DYNC1H1: variants seen among roughly 807,000 people sequenced by gnomAD.
DYNC1H1 encodes dynein cytoplasmic 1 heavy chain 1.
A neutral mutation model predicts 527.1 loss-of-function variants in DYNC1H1; 51 were observed. That is an observed-to-expected ratio of 0.10 (90% CI 0.08 to 0.12). The LOEUF is 0.12. Ranked by LOEUF, DYNC1H1 falls within the 10% of genes least tolerant of loss-of-function variation. The pLI is 1.00. For missense variants in DYNC1H1, 2,771 were observed against 5,971.8 expected (o/e 0.46, Z 17.66); for synonymous variants, 2,189 against 2,278.8 (o/e 0.96, Z 1.12).
intron 2 of DYNC1H1, among the ~76,000 whole-genome samples, chr14:101,978,077 CGAA>C (rs902027462): frequency 5.9e-5 from 9 of 152,144 alleles, no homozygotes; most frequent in Admixed American, 5.9e-4. Flanking sequence ...CTTCTTGAGA[CGAA>C]GTCTCGCTCT....
Position 102,018,089 on chromosome 14 carries a change from G to C in DYNC1H1, c.8178-362G>C. The C allele has an allele frequency of 3.8e-6, 1 of 260,236 alleles. No homozygotes were observed. The highest frequency in any genetic ancestry group is 4.5e-5 in the South Asian group (1 of 22,034). The allele number at this position is 260,236 out of a possible 1,614,324, so 16.1% of individuals were successfully genotyped here. A position where few individuals can be genotyped will look rare whatever the true frequency, so the allele number is the denominator to read the frequency against. On this transcript the variant is annotated intron_variant, in intron 40 of 77. Coordinates refer to ENST00000360184, the MANE Select transcript of DYNC1H1 (RefSeq NM_001376.5). The surrounding 1 kb of genome is among the most constrained non-coding windows in gnomAD (Gnocchi z 5.2). ...CCACTGCACTCCAGCCTGGGCAACA[G>C]AGCAAGACTCCATCTCAAAATAAAT...
Position 102,004,593 on chromosome 14 carries a change from C to T in DYNC1H1, c.4959C>T (p.His1653=), listed in dbSNP as rs773425996. 3.0e-5 allele frequency: 49 copies of T among 1,614,072 alleles called. No individual in the cohort carries two copies. In the South Asian group the frequency reaches 4.9e-4, roughly 16 times the overall value. Residue 1653 remains histidine, a synonymous_variant, in exon 24 of 78, where the codon CAC becomes CAT. Coordinates refer to ENST00000360184, the MANE Select transcript of DYNC1H1 (RefSeq NM_001376.5). The part of the protein sequence containing the change: ...NSKNVAKLQK[H]FKKMFAGVSS... ...AGAATGTCGCTAAATTACAGAAACACTTCAAGAAGATGTTTGCTGGAGTTT... is the reference window on the plus strand; with the variant it reads ...AGAATGTCGCTAAATTACAGAAACATTTCAAGAAGATGTTTGCTGGAGTTT...
rs1223465531 is a variant in DYNC1H1 at position 101,983,344 on chromosome 14, TC to T, written c.1234-37del. On this transcript the variant is annotated intron_variant, in intron 6 of 77. Coordinates refer to ENST00000360184, the MANE Select transcript of DYNC1H1 (RefSeq NM_001376.5). The surrounding 1 kb of genome is among the most constrained non-coding windows in gnomAD (Gnocchi z 5.3). ...CTCAAGACATTGAGATGAAAATATGTCTTAATAATAAGCCTCACTTTTGAAA... is the reference window on the plus strand; with the variant it reads ...CTCAAGACATTGAGATGAAAATATGTTTAATAATAAGCCTCACTTTTGAAA... 1 of 1,614,112 alleles carries T rather than the reference TC, an allele frequency of 6.2e-7. No individual in the cohort carries two copies.
intron 57 of DYNC1H1, chr14:102,037,431 A>AG (rs1000870531): frequency 2.6e-5 from 4 of 152,066 alleles, no homozygotes; most frequent in Non-Finnish European, 5.9e-5. Flanking sequence ...CTCAAAAAAA[A>AG]AAAAAAAAAA....
At position 102,010,464 on chromosome 14, in the gene DYNC1H1, G is replaced by A. The variant is rs774226163; in HGVS notation, c.6405+5G>A. 3.1e-6 allele frequency: 5 copies of A among 1,613,650 alleles called. No homozygotes were observed. Among genetic ancestry groups the A allele is most frequent in the East Asian group, 2.2e-5 (1 of 44,896 alleles). On this transcript the variant is annotated splice_donor_5th_base_variant and intron_variant, in intron 31 of 77. Coordinates refer to ENST00000360184, the MANE Select transcript of DYNC1H1 (RefSeq NM_001376.5). This position sits in a 1 kb window ranked among gnomAD's most constrained non-coding sequence, Gnocchi z 6.0. ...GAAAATCTCCCTGAACAAGAGGTTC[G>A]TTACAAACGTTTTGATCACTCAAAC... is the stretch of plus-strand genomic sequence containing the variant.
intron 5 of DYNC1H1, among the ~76,000 whole-genome samples, chr14:101,982,527 G>A (rs937324495): frequency 6.6e-6 from 1 of 152,030 alleles, no homozygotes; most frequent in Non-Finnish European, 1.5e-5. Context: ...GGGAGGTGGA[G>A]GTTGCAGTGA....
chr14:102,050,418 C>T lies in DYNC1H1; in HGVS notation c.13813-17C>T, dbSNP rs1340857815. ...ACTTTTCCCTTAAGCCACCAGTAAA[C>T]CCCTCTGCTTCTGCAGGTAACCTTA... On this transcript the variant is annotated splice_polypyrimidine_tract_variant and intron_variant, in intron 77 of 77. Transcript: ENST00000360184. 2 of 1,614,090 alleles carry T rather than the reference C, an allele frequency of 1.2e-6. No individual in the cohort carries two copies. Among genetic ancestry groups the T allele is most frequent in the Admixed American group, 1.7e-5 (1 of 60,004 alleles).
At chr14:102,023,986 C>T (rs2048419403) in intron 43 of DYNC1H1, among the ~76,000 whole-genome samples, 1 of 152,138 alleles carries the variant, frequency 6.6e-6, no homozygotes. Flanking sequence ...TGATGTGCTA[C>T]GGGTTTGCAG....
At chr14:102,034,497 G>A (rs2152592377) in intron 56 of DYNC1H1, 45 bp downstream of exon 56, 2 of 1,611,642 alleles carry the variant, frequency 1.2e-6, no homozygotes, top group East Asian at 2.2e-5. Context: ...GAATGTGGGT[G>A]GTGATCTTGA....
At chr14:102,019,753 C>CAT in intron 41 of DYNC1H1, 140 bp from the exon 42 acceptor site, 1 of 1,104,756 alleles carries the variant, frequency 9.1e-7, no homozygotes, top group Admixed American at 2.0e-5. Context: ...AGGCACCCAC[C>CAT]ACCATGTCCA....
chr14:102,025,736 C>T (rs10141196), intron 43 of DYNC1H1, among the ~76,000 whole-genome samples: 6,764 of 152,212 alleles, frequency 0.044, 416 homozygotes, highest in African/African-American at 0.13. Flanking sequence ...TGTCTGTCAT[C>T]ATAGTTTCCC....
intron 69 of DYNC1H1, 40 bp from the exon 70 acceptor site, chr14:102,043,835 G>A (rs1410615229): frequency 9.3e-6 from 15 of 1,613,870 alleles, no homozygotes; most frequent in South Asian, 8.8e-5. Context: ...GCGAAGTGCT[G>A]TTTTCTAATG....
Position 101,979,867 on chromosome 14 carries a change from C to T in DYNC1H1, c.667C>T (p.Arg223Cys), listed in dbSNP as rs757819428. The T allele has an allele frequency of 5.0e-6, 8 of 1,613,978 alleles. No individual in the cohort carries two copies. The South Asian group carries it at 6.6e-5, about 13-fold the overall frequency. The change falls in exon 4 of 78, where the codon CGT (arginine) becomes TGT (cysteine). Residue 223 changes from arginine (R) to cysteine (C), a missense_variant. Physicochemically the swap from Arg to Cys is radical, Grantham distance 180. Around this residue, in one of 32 missense-constraint regions of DYNC1H1, gnomAD observed 146 missense variants for 288.1 expected, o/e 0.51. Transcript: ENST00000360184. The surrounding 1 kb of genome is among the most constrained non-coding windows in gnomAD (Gnocchi z 4.6). ...ITNVAKQCYE[R>C]GEKPKVTDFG... ...AAATGTTGCAAAACAGTGTTATGAG[C>T]GTGGAGAAAAGCCAAAAGTTACAGA... is the stretch of plus-strand genomic sequence containing the variant.
intron 7 of DYNC1H1, among the ~76,000 whole-genome samples, chr14:101,984,431 G>GTGTGTA (rs1278450270): frequency 1.3e-3 from 111 of 82,798 alleles, no homozygotes; most frequent in Admixed American, 1.6e-3. Context: ...GTGTGTGTGT[G>GTGTGTA]TATATATATA....
Position 101,965,816 on chromosome 14 carries a change from TA to T in DYNC1H1, c.256+884del, listed in dbSNP as rs59444117. On this transcript the variant is annotated intron_variant, in intron 1 of 77. Coordinates refer to ENST00000360184, the MANE Select transcript of DYNC1H1 (RefSeq NM_001376.5). This position sits in a 1 kb window ranked among gnomAD's most constrained non-coding sequence, Gnocchi z 4.1. ...AATATTTGAGTCTAATTTTACAGAT[TA>T]AAAAAAAAAAAAAAGATTCAGGTTA... 0.19 allele frequency among the ~76,000 whole-genome samples: 26,799 copies of T among 140,196 alleles called. 3,297 individuals carry two copies. The highest frequency in any genetic ancestry group is 0.37 in the African/African-American group (14,268 of 38,594). 92.0% of individuals were successfully genotyped at this position (140,196 alleles called of 152,430 possible).
rs757949379 is a variant in DYNC1H1 at position 102,010,696 on chromosome 14, T to C, written c.6406-44T>C. On this transcript the variant is annotated intron_variant, in intron 31 of 77. Transcript: ENST00000360184. This position sits in a 1 kb window ranked among gnomAD's most constrained non-coding sequence, Gnocchi z 6.0. ...CTCCTGGGGATGCAGCGGGCAGTAC[T>C]TGAGCCATGCTGCGCTGCTCACAGC... 8 of 1,609,402 alleles carry C rather than the reference T, an allele frequency of 5.0e-6. No individual in the cohort carries two copies. The highest frequency in any genetic ancestry group is 6.8e-6 in the Non-Finnish European group (8 of 1,177,772).
chr14:102,022,720 T>TA (rs1250201450), intron 42 of DYNC1H1, 31 bp from the exon 43 acceptor site: 1 of 1,613,782 alleles, frequency 6.2e-7, no homozygotes, highest in African/African-American at 1.3e-5. Context: ...GCCCTCTAGT[T>TA]ACCTAAATGC....
At chr14:101,996,426 G>A (rs908315800) in intron 15 of DYNC1H1, among the ~76,000 whole-genome samples, 4 of 152,044 alleles carry the variant, frequency 2.6e-5, no homozygotes, top group African/African-American at 4.8e-5. Flanking sequence ...CACCATGCCC[G>A]GCCAAGTATC....
rs550161377 is a variant in DYNC1H1 at position 102,015,228 on chromosome 14, G to A, written c.7138G>A (p.Ala2380Thr). The A allele has an allele frequency of 1.1e-5, 17 of 1,614,196 alleles. No homozygotes were observed. In the African/African-American group the frequency reaches 2.1e-4, roughly 20 times the overall value. ...CGACATGATCTTCAACAACTTCCTG[G>A]CCAGGCTGCGCAGCATCCCGCTGGA... Reference protein sequence around the residue: ...STDMIFNNFLARLRSIPLDEG... With the variant: ...STDMIFNNFLTRLRSIPLDEG... Residue 2380 changes from alanine to threonine, a missense_variant, in exon 35 of 78, where the codon GCC becomes ACC. Physicochemically the swap from Ala to Thr is moderately conservative, Grantham distance 58 (BLOSUM62 0). Coordinates refer to ENST00000360184, the MANE Select transcript of DYNC1H1 (RefSeq NM_001376.5). The surrounding 1 kb of genome is among the most constrained non-coding windows in gnomAD (Gnocchi z 6.9).
Sources: allele counts gnomAD v4.1 joint callset (sites outside exome capture counted in the v4.1 genomes callset), GRCh38; gene constraint gnomAD v4.1.1; regional missense constraint gnomAD v4.1.1; non-coding constraint Gnocchi (gnomAD v3.1); transcripts MANE v1.5; gene names NCBI Gene and HGNC (gene_info 2026-07-23, HGNC 2026-07-21).